Variants in ESR1 observed in about 807,000 individuals in gnomAD.
ESR1 encodes estrogen receptor 1, also known as estrogen receptor.
A neutral mutation model predicts 52.7 loss-of-function variants in ESR1; 12 were observed. The ratio of observed to expected loss-of-function variants is 0.23; its 90% confidence interval spans 0.15 to 0.37. The LOEUF is 0.37. Ranked by LOEUF, ESR1 falls within the 10% of genes least tolerant of loss-of-function variation. ESR1 has a pLI of 1.00. For missense variants in ESR1, 584 were observed against 779.7 expected, an observed-to-expected ratio of 0.75 and a Z score of 2.99; for synonymous variants, 305 against 316.8, an observed-to-expected ratio of 0.96 and a Z score of 0.39.
intron 6 of ESR1, chr6:152,112,618 C>G (rs544160614): frequency 6.6e-6 from 1 of 152,402 alleles, no homozygotes; most frequent in Admixed American, 6.5e-5. Flanking sequence ...ACTGCCCATT[C>G]CCACCGAGCT....
At position 152,103,115 on chromosome 6, in the gene ESR1, T is replaced by C; in HGVS notation, c.*4149T>C. The C allele has an allele frequency of 4.6e-6, 1 of 217,592 alleles. No individual in the cohort carries two copies. The highest frequency in any genetic ancestry group is 9.3e-6 in the Non-Finnish European group (1 of 107,930). 13.5% of individuals were successfully genotyped at this position (217,592 alleles called of 1,614,324 possible). ...AATATGCCCTTTTGCCGATGCATAC[T>C]ATTACTGATGTGACTCGGTTTTGTC... On this transcript the variant is annotated 3_prime_UTR_variant, in exon 8 of 8. Coordinates refer to ENST00000206249, the MANE Select transcript of ESR1 (RefSeq NM_000125.4).
At chr6:151,997,445 G>A (rs2041592044) in intron 4 of ESR1, among the ~76,000 whole-genome samples, 1 of 152,048 alleles carries the variant, frequency 6.6e-6, no homozygotes, top group Non-Finnish European at 1.5e-5. Flanking sequence ...AGGTTTAATT[G>A]TAATCATAGC....
chr6:151,837,653 A>G (rs968681317), intron 1 of ESR1, among the ~76,000 whole-genome samples: 2 of 152,114 alleles, frequency 1.3e-5, no homozygotes, highest in African/African-American at 4.8e-5. Flanking sequence ...CTTCAGCTCT[A>G]TTTCTTTCCA....
At chr6:152,008,084 T>C (rs1352135971) in intron 4 of ESR1, among the ~76,000 whole-genome samples, 1 of 152,140 alleles carries the variant, frequency 6.6e-6, no homozygotes, top group Non-Finnish European at 1.5e-5. Flanking sequence ...TGAAGGCATC[T>C]CATGGATATT....
chr6:152,010,077 G>A (rs2042641513), intron 4 of ESR1, among the ~76,000 whole-genome samples: 1 of 152,084 alleles, frequency 6.6e-6, no homozygotes, highest in Non-Finnish European at 1.5e-5. Context: ...GAATTGATGA[G>A]CTTTGATTAT....
At chr6:151,780,278 A>G (rs535802369) in intron 2 of ESR1, among the ~76,000 whole-genome samples, 64 of 152,284 alleles carry the variant, frequency 4.2e-4, no homozygotes, top group African/African-American at 1.4e-3. Flanking sequence ...TGATGGGTGC[A>G]GCAAACCACC....
At chr6:151,946,942 G>A (rs901544960) in intron 4 of ESR1, among the ~76,000 whole-genome samples, 1 of 152,152 alleles carries the variant, frequency 6.6e-6, no homozygotes, top group Non-Finnish European at 1.5e-5. Flanking sequence ...AAAAAACATA[G>A]CCCACACTGA....
rs528712801 is a variant in ESR1 at position 151,883,498 on chromosome 6, G to A, written c.760+2727G>A. Among the ~76,000 whole-genome samples, 66 of 151,856 alleles carry A rather than the reference G, an allele frequency of 4.3e-4. 1 individual carries two copies. Among genetic ancestry groups the A allele is most frequent in the African/African-American group, 1.4e-3 (59 of 41,434 alleles). ...TGTCCTCACATGGCCTTTCCTCTGC[G>A]TCCGAGCACTCTTGGTATCTCTTTC... On this transcript the variant is annotated intron_variant, in intron 3 of 7. Coordinates refer to ENST00000206249, the MANE Select transcript of ESR1 (RefSeq NM_000125.4).
At chr6:151,711,252 CACTCT>C (rs1383369773) in intron 2 of ESR1, among the ~76,000 whole-genome samples, 5 of 150,338 alleles carry the variant, frequency 3.3e-5, no homozygotes, top group Non-Finnish European at 5.9e-5. Context: ...GATGGAGTCT[CACTCT>C]GTTGCCCAGG....
chr6:151,874,978 T>C (rs1257549608), intron 2 of ESR1, among the ~76,000 whole-genome samples: 1 of 152,228 alleles, frequency 6.6e-6, no homozygotes, highest in African/African-American at 2.4e-5. Context: ...CAACGTATTA[T>C]AGCAGGGGAA....
intron 3 of ESR1, among the ~76,000 whole-genome samples, chr6:151,932,765 GGT>G: frequency 1.3e-5 from 2 of 151,496 alleles, no homozygotes; most frequent in Non-Finnish European, 2.9e-5. Context: ...GATAGTTGTA[GGT>G]ATGCGGCGTT....
chr6:151,924,366 T>A (rs2032300532), intron 3 of ESR1, among the ~76,000 whole-genome samples: 1 of 152,182 alleles, frequency 6.6e-6, no homozygotes, highest in Non-Finnish European at 1.5e-5. Context: ...ACAAAAAATA[T>A]TGAGGATATT....
chr6:151,712,143 C>A (rs1341846215), intron 2 of ESR1, among the ~76,000 whole-genome samples: 22 of 152,094 alleles, frequency 1.4e-4, no homozygotes, highest in Admixed American at 1.4e-3. Context: ...TGCCAAAGAT[C>A]AGATGGTTGT....
intron 2 of ESR1, among the ~76,000 whole-genome samples, chr6:151,782,192 A>G (rs566246584): frequency 5.3e-5 from 8 of 152,290 alleles, no homozygotes; most frequent in African/African-American, 1.9e-4. Flanking sequence ...CTGATTCTCC[A>G]TCCTTGTTTG....
At chr6:151,940,834 A>G (rs1433107917) in intron 3 of ESR1, among the ~76,000 whole-genome samples, 2 of 152,248 alleles carry the variant, frequency 1.3e-5, no homozygotes, top group Non-Finnish European at 2.9e-5. Flanking sequence ...TTACCACTGC[A>G]TCTTCCGTGA....
chr6:151,807,609 G>T, upstream of ESR1: 2 of 526,478 alleles, frequency 3.8e-6, no homozygotes, highest in East Asian at 6.7e-5. Flanking sequence ...GTCCCTGGCC[G>T]TCCTCCAGCA....
downstream of ESR1, among the ~76,000 whole-genome samples, chr6:152,103,894 A>AG (rs1351796447): frequency 1.4e-5 from 2 of 144,170 alleles, no homozygotes; most frequent in South Asian, 2.4e-4. Context: ...ATGAATTGGG[A>AG]GGGGGTGGGT....
chr6:152,035,696 G>A (rs923194255), intron 5 of ESR1, among the ~76,000 whole-genome samples: 11 of 152,058 alleles, frequency 7.2e-5, no homozygotes, highest in African/African-American at 1.9e-4. Context: ...ATACAGTATG[G>A]CATTGGCATA....
chr6:152,122,676 C>A (rs1226539151), intron 6 of ESR1: 1 of 1,613,810 alleles, frequency 6.2e-7, no homozygotes, highest in Non-Finnish European at 8.5e-7. Flanking sequence ...CTTTTGTGGA[C>A]CTGAGAGAAG....
Sources: allele counts gnomAD v4.1 joint callset (sites outside exome capture counted in the v4.1 genomes callset), GRCh38; gene constraint gnomAD v4.1.1; transcripts MANE v1.5; gene names NCBI Gene and HGNC (gene_info 2026-07-23, HGNC 2026-07-21).